Variants in SPIDR observed in about 807,000 individuals in gnomAD.
SPIDR encodes the protein DNA repair-scaffolding protein.
A neutral mutation model predicts 104.6 loss-of-function variants in SPIDR; 93 were observed. That is an observed-to-expected ratio of 0.89 (90% CI 0.75 to 1.06). The LOEUF is 1.06. SPIDR is among the 50% of genes least tolerant of loss of function. The pLI is 0.00. For synonymous variants in SPIDR, 431 were observed against 416.9 expected (o/e 1.03, Z -0.41); for missense variants, 1,154 against 1,111.2 (o/e 1.04, Z -0.55).
At chr8:47,431,759 G>A (rs2067401107) in intron 7 of SPIDR, among the ~76,000 whole-genome samples, 1 of 152,102 alleles carries the variant, frequency 6.6e-6, no homozygotes, top group Non-Finnish European at 1.5e-5. Flanking sequence ...TTAAACTGGT[G>A]AAAAGGCAAA....
At chr8:47,502,537 T>C (rs956259762) in intron 8 of SPIDR, among the ~76,000 whole-genome samples, 2 of 152,076 alleles carry the variant, frequency 1.3e-5, no homozygotes, top group African/African-American at 4.8e-5. Context: ...CTCTTTTCTT[T>C]ATTAGTCTTG....
chr8:47,523,583 T>A (rs1485865871), intron 8 of SPIDR, among the ~76,000 whole-genome samples: 2 of 152,218 alleles, frequency 1.3e-5, no homozygotes, highest in Non-Finnish European at 2.9e-5. Flanking sequence ...GCAGCTCTGC[T>A]TTATCTTCAG....
At chr8:47,607,532 G>A (rs1225659993) in intron 10 of SPIDR, among the ~76,000 whole-genome samples, 1 of 151,960 alleles carries the variant, frequency 6.6e-6, no homozygotes, top group African/African-American at 2.4e-5. Flanking sequence ...GCCTTTGTGT[G>A]TGTTTGGACA....
intron 7 of SPIDR, 139 bp downstream of exon 7, chr8:47,408,100 A>G (rs939822556): frequency 1.1e-5 from 5 of 459,522 alleles, no homozygotes; most frequent in Non-Finnish European, 3.8e-6. Flanking sequence ...TAATTTTAAC[A>G]TATAAAAACT....
At chr8:47,315,533 A>T (rs2045166493) in intron 5 of SPIDR, among the ~76,000 whole-genome samples, 1 of 152,180 alleles carries the variant, frequency 6.6e-6, no homozygotes, top group South Asian at 2.1e-4. Flanking sequence ...GTAGAAATTG[A>T]CAAGCTGATT....
At chr8:47,729,885 A>G (rs2084921563) in intron 19 of SPIDR, among the ~76,000 whole-genome samples, 1 of 152,002 alleles carries the variant, frequency 6.6e-6, no homozygotes, top group East Asian at 1.9e-4. Context: ...CTCCCAGCTA[A>G]TTTTTGTATT....
chr8:47,393,123 C>G (rs2060804995), intron 5 of SPIDR, among the ~76,000 whole-genome samples: 1 of 152,156 alleles, frequency 6.6e-6, no homozygotes, highest in South Asian at 2.1e-4. Flanking sequence ...AACTCCAGAC[C>G]TGCAGAGCCA....
At chr8:47,550,224 G>A (rs2090211234) in intron 8 of SPIDR, among the ~76,000 whole-genome samples, 1 of 152,136 alleles carries the variant, frequency 6.6e-6, no homozygotes, top group Admixed American at 6.6e-5. Flanking sequence ...TGGTGATTTT[G>A]CTTAGGATTG....
intron 14 of SPIDR, among the ~76,000 whole-genome samples, chr8:47,709,765 AAGAG>A (rs1028458811): frequency 4.3e-4 from 65 of 152,342 alleles, no homozygotes; most frequent in African/African-American, 1.5e-3. Context: ...AATAGATTGA[AAGAG>A]AGACCACTGG....
At chr8:47,499,708 T>C (rs921504195) in intron 8 of SPIDR, among the ~76,000 whole-genome samples, 2 of 152,172 alleles carry the variant, frequency 1.3e-5, no homozygotes, top group African/African-American at 4.8e-5. Context: ...TACATATGTA[T>C]ACATGTGCCA....
intron 8 of SPIDR, among the ~76,000 whole-genome samples, chr8:47,541,562 T>C (rs886485467): frequency 1.3e-5 from 2 of 152,138 alleles, no homozygotes; most frequent in Non-Finnish European, 2.9e-5. Flanking sequence ...CTCAGAAATA[T>C]AGTAGTTTTA....
chr8:47,587,663 T>C (rs1201504128), intron 8 of SPIDR, among the ~76,000 whole-genome samples: 1 of 147,854 alleles, frequency 6.8e-6, no homozygotes, highest in East Asian at 2.0e-4. Context: ...TGGTGCACAG[T>C]GTATCTGTGG....
intron 8 of SPIDR, chr8:47,592,234 A>G: frequency 7.6e-7 from 1 of 1,309,800 alleles, no homozygotes; most frequent in Non-Finnish European, 1.1e-6. Context: ...CTGCTACATC[A>G]TTTGCTAATG....
At chr8:47,614,901 A>G (rs1229568301) in intron 10 of SPIDR, among the ~76,000 whole-genome samples, 3 of 152,138 alleles carry the variant, frequency 2.0e-5, no homozygotes, top group East Asian at 1.9e-4. Context: ...CCTGACTGAC[A>G]TGAGATGGTA....
At chr8:47,464,773 T>C (rs1374010369) in intron 8 of SPIDR, among the ~76,000 whole-genome samples, 1 of 152,096 alleles carries the variant, frequency 6.6e-6, no homozygotes. Flanking sequence ...TTTTTCTATT[T>C]TGAGGAGGAA....
At position 47,729,328 on chromosome 8, in the gene SPIDR, G is replaced by A. The variant is rs372978288; in HGVS notation, c.2551-84G>A. On this transcript the variant is annotated intron_variant, in intron 18 of 19. Coordinates refer to ENST00000297423, the MANE Select transcript of SPIDR (RefSeq NM_001080394.4). Reference sequence around the variant, plus strand: ...AAGACAGGTGGTTTGGATATAACATGTTAATTTTCGGGAATGAGTGATTTA... The same window carrying A: ...AAGACAGGTGGTTTGGATATAACATATTAATTTTCGGGAATGAGTGATTTA... The A allele has an allele frequency of 3.5e-5, 53 of 1,525,698 alleles. 2 individuals are homozygous for A. In the African/African-American group the frequency reaches 6.1e-4, roughly 17 times the overall value. The allele number at this position is 1,525,698 out of a possible 1,614,324, so 94.5% of individuals were successfully genotyped here.
chr8:47,264,537 TC>T, intron 1 of SPIDR, among the ~76,000 whole-genome samples: 1 of 152,186 alleles, frequency 6.6e-6, no homozygotes, highest in Middle Eastern at 3.4e-3. Context: ...CTGTGATTCT[TC>T]CCTTTGTGCC....
At chr8:47,325,937 C>G (rs2047585715) in intron 5 of SPIDR, among the ~76,000 whole-genome samples, 1 of 152,190 alleles carries the variant, frequency 6.6e-6, no homozygotes, top group African/African-American at 2.4e-5. Context: ...ATAATGGCAA[C>G]TTGACTGTCC....
intron 8 of SPIDR, among the ~76,000 whole-genome samples, chr8:47,580,238 G>A (rs770777707): frequency 2.6e-5 from 4 of 152,118 alleles, no homozygotes; most frequent in East Asian, 1.9e-4. Flanking sequence ...AAGATAATAG[G>A]TTTTGAGTAA....
Sources: gnomAD v4.1 joint callset for allele counts (sites outside exome capture counted in the v4.1 genomes callset) on GRCh38, gnomAD v4.1.1 for gene constraint, MANE v1.5 for transcripts, NCBI Gene and HGNC (gene_info 2026-07-23, HGNC 2026-07-21) for gene names.